The following GPR137C variants were observed in gnomAD, a reference collection of about 807,000 sequenced individuals.
GPR137C encodes the protein integral membrane protein GPR137C.
A neutral mutation model predicts 43.4 loss-of-function variants in GPR137C; 27 were observed. The ratio of observed to expected loss-of-function variants is 0.62; its 90% confidence interval spans 0.46 to 0.86. GPR137C has a LOEUF of 0.86. GPR137C is among the 40% of genes least tolerant of loss of function. The pLI is 0.00. For synonymous variants in GPR137C, 285 were observed against 226.9 expected (o/e 1.26, Z -2.30); for missense variants, 522 against 534.6 (o/e 0.98, Z 0.23).
chr14:52,561,651 AG>A (rs1480940790), intron 1 of GPR137C, among the ~76,000 whole-genome samples: 1 of 152,266 alleles, frequency 6.6e-6, no homozygotes, highest in Non-Finnish European at 1.5e-5. Flanking sequence ...GTAAAAGCAA[AG>A]GAACAAACTA....
intron 3 of GPR137C, among the ~76,000 whole-genome samples, chr14:52,623,614 C>G (rs1426557366): frequency 1.3e-5 from 2 of 152,074 alleles, no homozygotes; most frequent in East Asian, 3.9e-4. Flanking sequence ...TGTTCTGTTA[C>G]AGAAGACACA....
intron 1 of GPR137C, among the ~76,000 whole-genome samples, chr14:52,556,822 T>G (rs1283720535): frequency 1.3e-5 from 2 of 152,088 alleles, no homozygotes; most frequent in Non-Finnish European, 2.9e-5. Context: ...GTATACCATC[T>G]TGGAGTGTTG....
intron 3 of GPR137C, among the ~76,000 whole-genome samples, chr14:52,624,215 T>TA (rs202158396): frequency 0.12 from 14,870 of 124,474 alleles, 882 homozygotes; most frequent in South Asian, 0.27. Context: ...AACCCATGGG[T>TA]AAAAAAAAAA....
intron 1 of GPR137C, among the ~76,000 whole-genome samples, chr14:52,561,148 C>T (rs1435589760): frequency 6.6e-6 from 1 of 152,214 alleles, no homozygotes; most frequent in Non-Finnish European, 1.5e-5. Context: ...TGAACTACCA[C>T]TAGACATTGA....
chr14:52,559,318 G>A (rs2038243317), intron 1 of GPR137C, among the ~76,000 whole-genome samples: 1 of 151,930 alleles, frequency 6.6e-6, no homozygotes, highest in African/African-American at 2.4e-5. Flanking sequence ...GGAGGTGGAA[G>A]TTGCAGTGAA....
intron 1 of GPR137C, among the ~76,000 whole-genome samples, chr14:52,576,814 T>C (rs1466387995): frequency 1.3e-5 from 2 of 152,250 alleles, no homozygotes; most frequent in East Asian, 3.9e-4. Context: ...CAATAAGTTT[T>C]TAAAAATGGA....
At chr14:52,574,521 C>G (rs543262922) in intron 1 of GPR137C, among the ~76,000 whole-genome samples, 27 of 152,102 alleles carry the variant, frequency 1.8e-4, no homozygotes, top group Non-Finnish European at 3.4e-4. Flanking sequence ...AATGAGAACA[C>G]ATGGATACAG....
intron 1 of GPR137C, among the ~76,000 whole-genome samples, chr14:52,575,142 T>C (rs987721619): frequency 6.6e-6 from 1 of 152,242 alleles, no homozygotes; most frequent in African/African-American, 2.4e-5. Flanking sequence ...TAATTAGTTA[T>C]ATTTTACAGA....
At chr14:52,590,556 C>A (rs1479765558) in intron 1 of GPR137C, among the ~76,000 whole-genome samples, 3 of 152,180 alleles carry the variant, frequency 2.0e-5, no homozygotes, top group Non-Finnish European at 4.4e-5. Context: ...CTGTAAGCTG[C>A]ATTCATATTA....
At chr14:52,593,266 T>C (rs1466255521) in intron 1 of GPR137C, among the ~76,000 whole-genome samples, 2 of 152,106 alleles carry the variant, frequency 1.3e-5, no homozygotes, top group Non-Finnish European at 2.9e-5. Context: ...CATCTATGTT[T>C]ATTAGGGATA....
chr14:52,624,723 CAA>C (rs34539882), intron 3 of GPR137C, among the ~76,000 whole-genome samples: 21 of 133,148 alleles, frequency 1.6e-4, no homozygotes, highest in Non-Finnish European at 2.5e-4. Context: ...TATGCTGTCT[CAA>C]AAAAAAAAAA....
chr14:52,606,609 T>A (rs182138459), intron 3 of GPR137C, among the ~76,000 whole-genome samples: 82 of 152,236 alleles, frequency 5.4e-4, no homozygotes, highest in African/African-American at 2.0e-3. Context: ...GCCAATTTTT[T>A]AAATTTTTTG....
intron 3 of GPR137C, among the ~76,000 whole-genome samples, chr14:52,629,930 G>A (rs920067315): frequency 6.6e-6 from 1 of 152,146 alleles, no homozygotes; most frequent in Non-Finnish European, 1.5e-5. Flanking sequence ...CTTTAAAAGT[G>A]GTATGTAGGT....
rs760199200 is a variant in GPR137C at position 52,634,936 on chromosome 14, A to C, written c.1113-2A>C. On this transcript the variant is annotated splice_acceptor_variant, in intron 6 of 6. Coordinates refer to ENST00000321662, the MANE Select transcript of GPR137C (RefSeq NM_001099652.2). LOFTEE classifies it high-confidence loss of function. The stretch of plus-strand genomic sequence containing the variant: ...GGTCTTTTTGCCTTTTTTTTGTTGC[A>C]GTTTACCAAATTCGCAAAGTTTGGG... 6.2e-7 allele frequency: 1 copy of C among 1,609,022 alleles called. No individual in the cohort carries two copies. Among genetic ancestry groups the C allele is most frequent in the Non-Finnish European group, 8.5e-7 (1 of 1,178,238 alleles).
At chr14:52,567,108 G>A (rs182604066) in intron 1 of GPR137C, among the ~76,000 whole-genome samples, 38 of 152,054 alleles carry the variant, frequency 2.5e-4, no homozygotes, top group Admixed American at 1.6e-3. Context: ...GTGAGACACC[G>A]TCTGAAAAAA....
In GPR137C at chr14:52,553,531, C is replaced by G; in HGVS notation, c.384C>G (p.Tyr128Ter). Residue 128 changes from tyrosine (Y) to a stop codon, truncating the protein, a stop_gained, in exon 1 of 7, where the codon TAC becomes TAG. Coordinates refer to ENST00000321662, the MANE Select transcript of GPR137C (RefSeq NM_001099652.2). LOFTEE classifies it high-confidence loss of function. Reference sequence around the variant, plus strand: ...ACTTCTTCCCCCACTGGCTGCTCTACTGCTTCCCCTCCTGTCTCCAGTTCT... The same window carrying G: ...ACTTCTTCCCCCACTGGCTGCTCTAGTGCTTCCCCTCCTGTCTCCAGTTCT... ...HLHFFPHWLLYCFPSCLQFST... is the reference protein window; with the variant it reads ...HLHFFPHWLL The G allele has an allele frequency of 6.2e-7, 1 of 1,609,538 alleles. No homozygotes were observed. Among genetic ancestry groups the G allele is most frequent in the Non-Finnish European group, 8.5e-7 (1 of 1,179,552 alleles).
chr14:52,633,854 C>A lies in GPR137C; in HGVS notation c.1020C>A (p.His340Gln), dbSNP rs1159562903. The change falls in exon 6 of 7, where the codon CAC becomes CAA. Residue 340 changes from histidine (H) to glutamine (Q), a missense_variant. By Grantham distance (24) the His-to-Gln change is conservative. Around this residue, in one of 3 missense-constraint regions of GPR137C, gnomAD observed 18 missense variants for 39.9 expected, o/e 0.45. Transcript: ENST00000321662. ...NLAPAGMINSHSYSSRAYFFD... is the reference protein window; with the variant it reads ...NLAPAGMINSQSYSSRAYFFD... ...CACCTGCTGGCATGATAAATAGTCA[C>A]AGTTATAGTTCCAGAGCTTACTTTT... The A allele has an allele frequency of 1.2e-6, 2 of 1,612,088 alleles. No homozygotes were observed. Among genetic ancestry groups the A allele is most frequent in the South Asian group, 2.2e-5 (2 of 91,020 alleles).
intron 1 of GPR137C, among the ~76,000 whole-genome samples, chr14:52,595,597 A>G (rs1235466264): frequency 1.3e-5 from 2 of 151,850 alleles, no homozygotes; most frequent in African/African-American, 4.8e-5. Flanking sequence ...CCTTTCTTCC[A>G]CTTGATTGAA....
At chr14:52,553,648 C>G in intron 1 of GPR137C, 57 bp downstream of exon 1, 2 of 1,330,094 alleles carry the variant, frequency 1.5e-6, no homozygotes, top group Non-Finnish European at 2.0e-6. Context: ...CCGCCGGGAT[C>G]AACTCCCGCT....
Sources: allele counts gnomAD v4.1 joint callset (sites outside exome capture counted in the v4.1 genomes callset), GRCh38; gene constraint gnomAD v4.1.1; regional missense constraint gnomAD v4.1.1; transcripts MANE v1.5; gene names NCBI Gene and HGNC (gene_info 2026-07-23, HGNC 2026-07-21).